DLGAP1: variants seen among roughly 807,000 people sequenced by gnomAD.
The protein encoded by DLGAP1 is disks large-associated protein 1.
DLGAP1 carries 11 observed loss-of-function variants against 90.8 expected under a neutral mutation model. That is an observed-to-expected ratio of 0.12 (90% CI 0.08 to 0.20). The LOEUF (loss-of-function observed/expected upper bound fraction) is 0.20. Ranked by LOEUF, DLGAP1 falls within the 10% of genes least tolerant of loss-of-function variation. The pLI, the probability that DLGAP1 is intolerant of heterozygous loss-of-function variation, is 1.00. For missense variants in DLGAP1, 1,050 were observed against 1,333.8 expected (o/e 0.79, Z 3.31); for synonymous variants, 558 against 540.7 (o/e 1.03, Z -0.44).
chr18:4,312,614 C>G (rs76291923), intron 1 of DLGAP1, among the ~76,000 whole-genome samples: 1 of 152,152 alleles, frequency 6.6e-6, no homozygotes, highest in African/African-American at 2.4e-5. Flanking sequence ...GGCATCTGTA[C>G]TTCAATTTGG....
chr18:4,227,874 G>T (rs1315714332), intron 1 of DLGAP1, among the ~76,000 whole-genome samples: 4 of 151,558 alleles, frequency 2.6e-5, no homozygotes, highest in African/African-American at 4.8e-5. Flanking sequence ...TAATGAAAAT[G>T]AAATGAAGAA....
At chr18:4,424,016 G>A (rs1471007637) in intron 1 of DLGAP1, among the ~76,000 whole-genome samples, 1 of 152,070 alleles carries the variant, frequency 6.6e-6, no homozygotes, top group Non-Finnish European at 1.5e-5. Flanking sequence ...GCCAGGCGTG[G>A]TGGCATGCAC....
At chr18:3,757,151 C>T (rs1348940984) in intron 5 of DLGAP1, among the ~76,000 whole-genome samples, 5 of 152,072 alleles carry the variant, frequency 3.3e-5, no homozygotes, top group African/African-American at 4.8e-5. Flanking sequence ...GGCTCATGCC[C>T]GTAACCCCAG....
intron 7 of DLGAP1, among the ~76,000 whole-genome samples, chr18:3,650,959 G>T (rs768843219): frequency 6.6e-6 from 1 of 151,830 alleles, no homozygotes; most frequent in Non-Finnish European, 1.5e-5. Flanking sequence ...CCAGCTATTC[G>T]GGAGGCTGAG....
chr18:3,909,724 A>G (rs1026844984), intron 3 of DLGAP1, among the ~76,000 whole-genome samples: 21 of 152,180 alleles, frequency 1.4e-4, no homozygotes, highest in Admixed American at 3.9e-4. Flanking sequence ...GTGTCTTTCC[A>G]GTGTATTGCA....
rs535753174 is a variant in DLGAP1, at chr18:4,177,730, T to C, written c.-266-26443A>G. On this transcript the variant is annotated intron_variant, in intron 1 of 12. Coordinates refer to ENST00000315677, the MANE Select transcript of DLGAP1 (RefSeq NM_004746.4). ...AGAACATGCAGTATTTGTTTTTTTG[T>C]TACTGTGTTAGTTTGTTTAGGATAA... 2.0e-5 allele frequency among the ~76,000 whole-genome samples: 3 copies of C among 152,274 alleles called. 1 individual carries two copies. In the South Asian group the frequency reaches 6.2e-4, roughly 32 times the overall value.
chr18:4,309,735 A>C (rs2143432254), intron 1 of DLGAP1, among the ~76,000 whole-genome samples: 1 of 152,308 alleles, frequency 6.6e-6, no homozygotes, highest in East Asian at 1.9e-4. Context: ...TCACTCCAGA[A>C]GTTTCCTCCC....
At chr18:4,323,453 A>T (rs1284225798) in intron 1 of DLGAP1, among the ~76,000 whole-genome samples, 1 of 152,208 alleles carries the variant, frequency 6.6e-6, no homozygotes, top group Non-Finnish European at 1.5e-5. Context: ...AGGAATTGAA[A>T]TCAGTGTGCT....
At chr18:3,849,578 C>T (rs1000758397) in intron 4 of DLGAP1, among the ~76,000 whole-genome samples, 3 of 152,122 alleles carry the variant, frequency 2.0e-5, no homozygotes, top group African/African-American at 7.2e-5. Flanking sequence ...TCATTTCTCC[C>T]AATGAAGAAA....
intron 7 of DLGAP1, among the ~76,000 whole-genome samples, chr18:3,609,548 C>T (rs1393836330): frequency 6.6e-6 from 1 of 152,162 alleles, no homozygotes; most frequent in Non-Finnish European, 1.5e-5. Context: ...TTACAAGCTA[C>T]TTAACTTTAC....
intron 9 of DLGAP1, among the ~76,000 whole-genome samples, chr18:3,553,592 T>C (rs9961697): frequency 0.12 from 18,975 of 152,124 alleles, 2,057 homozygotes; most frequent in African/African-American, 0.3. Context: ...GGAGTGCAAT[T>C]GCGTGATCTC....
In DLGAP1 at chr18:3,517,957, A is replaced by G. The variant is rs2050946859; in HGVS notation, c.2480-9296T>C. 6.6e-6 allele frequency among the ~76,000 whole-genome samples: 1 copy of G among 152,178 alleles called. No homozygotes were observed. The highest frequency in any genetic ancestry group is 1.5e-5 in the Non-Finnish European group (1 of 68,034). ...AACAAAAAGGCTGTTTCGCTTCCTT[A>G]TCATTTGTATGTTCACTTGGGTAGC... On this transcript the variant is annotated intron_variant, in intron 10 of 12. Coordinates refer to ENST00000315677, the MANE Select transcript of DLGAP1 (RefSeq NM_004746.4). The surrounding 1 kb of genome is among the most constrained non-coding windows in gnomAD (Gnocchi z 4.1).
At chr18:3,531,638 A>G (rs1398725780) in intron 10 of DLGAP1, among the ~76,000 whole-genome samples, 2 of 151,056 alleles carry the variant, frequency 1.3e-5, no homozygotes, top group African/African-American at 4.9e-5. Context: ...GCCAATCTCC[A>G]CACCCGACTA....
intron 7 of DLGAP1, among the ~76,000 whole-genome samples, chr18:3,720,888 C>CAAAAGAAAAAAAAA (rs2061949188): frequency 2.0e-5 from 1 of 50,312 alleles, no homozygotes; most frequent in Non-Finnish European, 3.6e-5. Context: ...CTTGTCTCTA[C>CAAAAGAAAAAAAAA]AAAAAAAAAA....
At chr18:3,973,406 A>G (rs1448544255) in intron 3 of DLGAP1, among the ~76,000 whole-genome samples, 1 of 151,918 alleles carries the variant, frequency 6.6e-6, no homozygotes, top group East Asian at 1.9e-4. Context: ...GCTGCAATTC[A>G]TCTCAGTTTG....
intron 7 of DLGAP1, among the ~76,000 whole-genome samples, chr18:3,663,410 AC>A (rs1257141592): frequency 6.6e-6 from 1 of 152,216 alleles, no homozygotes; most frequent in Non-Finnish European, 1.5e-5. Flanking sequence ...ACTAACGATG[AC>A]CACAGATTAT....
intron 9 of DLGAP1, among the ~76,000 whole-genome samples, chr18:3,549,862 T>A (rs1287731504): frequency 6.6e-6 from 1 of 152,160 alleles, no homozygotes; most frequent in Admixed American, 6.5e-5. Context: ...TATCTTAGTA[T>A]GTGACTGTAT....
chr18:4,213,068 A>G (rs896416307), intron 1 of DLGAP1, among the ~76,000 whole-genome samples: 2 of 152,174 alleles, frequency 1.3e-5, no homozygotes, highest in African/African-American at 4.8e-5. Context: ...TTAATTGAGC[A>G]AACAGGTTTT....
In DLGAP1 at chr18:4,081,223, G is replaced by A. The variant is rs145156432; in HGVS notation, c.-159+69957C>T. Among the ~76,000 whole-genome samples the A allele has an allele frequency of 5.2e-3, 788 of 151,304 alleles. 20 individuals are homozygous for A. Among genetic ancestry groups the A allele is most frequent in the Admixed American group, 0.034 (523 of 15,198 alleles). On this transcript the variant is annotated intron_variant, in intron 2 of 12. Coordinates refer to ENST00000315677, the MANE Select transcript of DLGAP1 (RefSeq NM_004746.4). ...TCTTTTAAAAAATTAATCTGCCTTGGAGAATTGCTTGAACCCAGGCGGCGG... is the reference window on the plus strand; with the variant it reads ...TCTTTTAAAAAATTAATCTGCCTTGAAGAATTGCTTGAACCCAGGCGGCGG...
Sources: gnomAD v4.1 joint callset for allele counts (sites outside exome capture counted in the v4.1 genomes callset) on GRCh38, gnomAD v4.1.1 for gene constraint, Gnocchi (gnomAD v3.1) non-coding constraint, MANE v1.5 for transcripts, NCBI Gene and HGNC (gene_info 2026-07-23, HGNC 2026-07-21) for gene names.